Variants in KAZN observed in about 807,000 individuals in gnomAD.
KAZN encodes kazrin, periplakin interacting protein.
Under a neutral mutation model 87.4 loss-of-function variants are expected in KAZN, and 40 were observed. The ratio of observed to expected loss-of-function variants is 0.46; its 90% CI spans 0.36 to 0.60. KAZN has a LOEUF of 0.60. Among genes scored for constraint, KAZN ranks in the 20% least tolerant of loss-of-function variants. The probability of loss-of-function intolerance (pLI) is 0.00; values close to 1 mark genes in which losing one functional copy is unlikely to be tolerated. For missense variants in KAZN, 898 were observed against 1,073.9 expected (o/e 0.84, Z 2.29); for synonymous variants, 466 against 458.3 (o/e 1.02, Z -0.22).
chr1:13,952,491 C>T (rs1015048397), intron 1 of KAZN, among the ~76,000 whole-genome samples: 8 of 152,058 alleles, frequency 5.3e-5, no homozygotes, highest in Non-Finnish European at 1.0e-4. Context: ...CTTCTAGGCA[C>T]TATCTTATCT....
rs1373615578 is a variant in KAZN at position 14,193,673 on chromosome 1, T to C, written c.249+13081T>C. Among the ~76,000 whole-genome samples, 8 of 152,142 alleles carry C rather than the reference T, an allele frequency of 5.3e-5. No homozygotes were observed. The East Asian group carries it at 1.5e-3, about 29-fold the overall frequency. ...GAAAGACTAAGGTGTTTTTTTTTTT[T>C]TTTTTTACCAGGTATAATTCAGTTC... On this transcript the variant is annotated intron_variant, in intron 2 of 16. Transcript: ENST00000636203.
chr1:14,307,822 A>C (rs770816086), intron 2 of KAZN, among the ~76,000 whole-genome samples: 11 of 152,230 alleles, frequency 7.2e-5, no homozygotes, highest in Non-Finnish European at 1.5e-4. Context: ...ACTCCCTACA[A>C]ATCATTTATT....
intron 1 of KAZN, among the ~76,000 whole-genome samples, chr1:14,790,089 G>A (rs1012006426): frequency 4.6e-5 from 7 of 151,534 alleles, no homozygotes; most frequent in African/African-American, 1.2e-4. Flanking sequence ...CGCAACCTCC[G>A]CCTCCCAGGT....
chr1:14,491,058 ATCT>A (rs1339371030), intron 2 of KAZN, among the ~76,000 whole-genome samples: 11 of 152,232 alleles, frequency 7.2e-5, no homozygotes, highest in African/African-American at 1.7e-4. Context: ...ATTTGTTCAC[ATCT>A]TCTTTTGTAT....
chr1:14,018,802 C>T (rs2101237573), intron 1 of KAZN, among the ~76,000 whole-genome samples: 1 of 152,280 alleles, frequency 6.6e-6, no homozygotes, highest in East Asian at 1.9e-4. Context: ...ACCATGGTCC[C>T]CCTGAGTTCT....
At chr1:14,459,285 A>G (rs1468107068) in intron 2 of KAZN, among the ~76,000 whole-genome samples, 1 of 151,448 alleles carries the variant, frequency 6.6e-6, no homozygotes, top group Non-Finnish European at 1.5e-5. Context: ...GTGTGTGTAT[A>G]CATGCCCACA....
rs147123767 is a variant in KAZN, at chr1:13,931,534, T to G, written c.91+37778T>G. On this transcript the variant is annotated intron_variant, in intron 1 of 16. Coordinates refer to the KAZN transcript ENST00000636203. ...TGCTTTTTTCTTGAAAGATGCTGAG[T>G]TGAGGCTTAGCATCACAGACTCAGG... Among the ~76,000 whole-genome samples, 9 of 152,044 alleles carry G rather than the reference T, an allele frequency of 5.9e-5. No individual in the cohort carries two copies. In the East Asian group the frequency reaches 1.7e-3, roughly 29 times the overall value.
intron 2 of KAZN, among the ~76,000 whole-genome samples, chr1:14,480,880 G>A (rs1270834913): frequency 1.4e-5 from 2 of 146,326 alleles, no homozygotes; most frequent in South Asian, 4.2e-4. Flanking sequence ...TCACATCTTC[G>A]ACCTACCCAA....
chr1:14,542,955 A>G (rs1335258262), intron 2 of KAZN, among the ~76,000 whole-genome samples: 1 of 151,026 alleles, frequency 6.6e-6, no homozygotes, highest in Admixed American at 6.6e-5. Flanking sequence ...TGGGTATGGA[A>G]AAGATGGAAG....
At position 14,878,326 on chromosome 1, in the gene KAZN, T is replaced by C. The variant is rs540843081; in HGVS notation, c.227-82358T>C. 2.2e-4 allele frequency among the ~76,000 whole-genome samples: 34 copies of C among 152,128 alleles called. No individual in the cohort carries two copies. In the South Asian group the frequency reaches 6.0e-3, roughly 27 times the overall value. On this transcript the variant is annotated intron_variant, in intron 1 of 14. Coordinates refer to ENST00000376030, the MANE Select transcript of KAZN (RefSeq NM_201628.3). ...GTTCTTTGGGGGGGTGGCTGTCCTG[T>C]GCATTGTAGGATGTTGAGCAACTTC... is the stretch of plus-strand genomic sequence containing the variant.
intron 1 of KAZN, among the ~76,000 whole-genome samples, chr1:14,874,483 T>TGGAG (rs2101071966): frequency 6.7e-6 from 1 of 149,656 alleles, no homozygotes; most frequent in East Asian, 2.0e-4. Flanking sequence ...GATGGATGGA[T>TGGAG]GGATGGATGG....
At chr1:14,980,078 G>A (rs1213464407) in intron 2 of KAZN, among the ~76,000 whole-genome samples, 1 of 151,948 alleles carries the variant, frequency 6.6e-6, no homozygotes, top group African/African-American at 2.4e-5. Context: ...TAGTAGAGAT[G>A]GGGTTTCACC....
chr1:14,402,880 TGCAGTGGC>T (rs1663534109), intron 2 of KAZN, among the ~76,000 whole-genome samples: 1 of 151,830 alleles, frequency 6.6e-6, no homozygotes, highest in East Asian at 1.9e-4. Context: ...TAGGCTGGAG[TGCAGTGGC>T]ACAATCTTGG....
chr1:14,499,643 G>A (rs1254799887), intron 2 of KAZN, among the ~76,000 whole-genome samples: 2 of 152,248 alleles, frequency 1.3e-5, no homozygotes, highest in Admixed American at 1.3e-4. Context: ...AGAGGCAGGT[G>A]TAGACAGGAC....
At chr1:14,190,912 C>G (rs539550704) in intron 2 of KAZN, among the ~76,000 whole-genome samples, 1 of 152,162 alleles carries the variant, frequency 6.6e-6, no homozygotes, top group Non-Finnish European at 1.5e-5. Context: ...CAAGAGCTAG[C>G]TGACACAATT....
chr1:14,781,093 C>T (rs967578394), intron 1 of KAZN, among the ~76,000 whole-genome samples: 1 of 152,000 alleles, frequency 6.6e-6, no homozygotes, highest in African/African-American at 2.4e-5. Context: ...GAGGCCGAGG[C>T]AGGTGGATCA....
chr1:14,384,132 A>G (rs1557679490), intron 2 of KAZN, among the ~76,000 whole-genome samples: 3 of 150,788 alleles, frequency 2.0e-5, no homozygotes, highest in Non-Finnish European at 3.0e-5. Flanking sequence ...TTATTGGTGT[A>G]TAAGAATGCT....
chr1:14,007,837 T>A (rs1243539676), intron 1 of KAZN, among the ~76,000 whole-genome samples: 1 of 152,182 alleles, frequency 6.6e-6, no homozygotes, highest in Admixed American at 6.5e-5. Flanking sequence ...TTTTTAACTC[T>A]AAGTCGGCGG....
chr1:14,192,107 G>A (rs750684999), intron 2 of KAZN, among the ~76,000 whole-genome samples: 4 of 152,232 alleles, frequency 2.6e-5, no homozygotes, highest in South Asian at 2.1e-4. Flanking sequence ...GAGCCAATTC[G>A]TGGTACCCCC....
Sources: gnomAD v4.1 joint callset for allele counts (sites outside exome capture counted in the v4.1 genomes callset) on GRCh38, gnomAD v4.1.1 for gene constraint, MANE v1.5 for transcripts, NCBI Gene and HGNC (gene_info 2026-07-23, HGNC 2026-07-21) for gene names.